Variants in PLA2G15 observed in about 807,000 individuals in gnomAD.
PLA2G15 encodes the protein phospholipase A2 group XV.
PLA2G15 carries 20 observed loss-of-function variants against 40.9 expected under a neutral mutation model. That is an observed-to-expected ratio of 0.49 (90% CI 0.34 to 0.71). The LOEUF (loss-of-function observed/expected upper bound fraction) is 0.71, where lower values mean the gene tolerates loss of function less well. Ranked by LOEUF, PLA2G15 falls within the 30% of genes least tolerant of loss-of-function variation. The pLI, the probability that PLA2G15 is intolerant of heterozygous loss-of-function variation, is 0.01. For missense variants in PLA2G15, 471 were observed against 541.9 expected, an observed-to-expected ratio of 0.87 and a Z score of 1.30; for synonymous variants, 223 against 228.2, an observed-to-expected ratio of 0.98 and a Z score of 0.21.
Position 68,249,275 on chromosome 16 carries a change from C to T in PLA2G15, c.128-15C>T. 6.2e-7 allele frequency: 1 copy of T among 1,613,394 alleles called. No individual in the cohort carries two copies. Among genetic ancestry groups the T allele is most frequent in the Middle Eastern group, 1.6e-4 (1 of 6,062 alleles). On this transcript the variant is annotated splice_polypyrimidine_tract_variant and intron_variant, in intron 1 of 5. Coordinates refer to ENST00000219345, the MANE Select transcript of PLA2G15 (RefSeq NM_012320.4). ...GCCGGGCTGAGGGCTCACACATGTC[C>T]TGTGCCCCCTGCAGTCCCTGGTGAT...
At position 68,259,511 on chromosome 16, in the gene PLA2G15, T is replaced by C. The variant is rs2042427859; in HGVS notation, c.1093T>C (p.Leu365=). Residue 365 remains leucine, a synonymous_variant, in exon 6 of 6, where the codon TTG becomes CTG. Transcript: ENST00000219345. This position sits in a 1 kb window ranked among gnomAD's most constrained non-coding sequence, Gnocchi z 6.5. ...TGGTGACGGCGATGGTACTGTGAAC[T>C]TGAAGAGTGCCCTGCAGTGCCAGGC... is the stretch of plus-strand genomic sequence containing the variant. ...CFGDGDGTVN[L]KSALQCQAWQ... is the part of the protein sequence containing the mutation. 1.2e-6 allele frequency: 2 copies of C among 1,613,160 alleles called. No homozygotes were observed. The highest frequency in any genetic ancestry group is 1.3e-5 in the African/African-American group (1 of 74,952).
At position 68,255,019 on chromosome 16, in the gene PLA2G15, C is replaced by T. The variant is rs1436000148; in HGVS notation, c.385C>T (p.Pro129Ser). The T allele has an allele frequency of 1.9e-6, 3 of 1,612,166 alleles. No individual in the cohort carries two copies. The highest frequency in any genetic ancestry group is 2.5e-6 in the Non-Finnish European group (3 of 1,178,468). The change falls in exon 3 of 6, where the codon CCC (proline) becomes TCC (serine). Residue 129 changes from proline to serine, a missense_variant. Transcript: ENST00000219345. The surrounding 1 kb of genome is among the most constrained non-coding windows in gnomAD (Gnocchi z 5.9). ...GACCTTCTCACTGGAGTTCCTGGAC[C>T]CCAGCAAAAGCAGCGTGGGTATGTA... ...GKTFSLEFLDPSKSSVGSYFH... is the reference protein window; with the variant it reads ...GKTFSLEFLDSSKSSVGSYFH...
intron 5 of PLA2G15, 182 bp from the exon 6 acceptor site, chr16:68,258,964 A>AC: frequency 1.7e-6 from 1 of 599,048 alleles, no homozygotes; most frequent in Non-Finnish European, 2.9e-6. Context: ...TGTCTCAAAA[A>AC]GAAAAAAAAA....
At chr16:68,252,117 A>C (rs1227972122) in intron 2 of PLA2G15, among the ~76,000 whole-genome samples, 1 of 152,060 alleles carries the variant, frequency 6.6e-6, no homozygotes, top group African/African-American at 2.4e-5. Flanking sequence ...ACCCGTTTAG[A>C]TTTTCACCCA....
At position 68,255,659 on chromosome 16, in the gene PLA2G15, G is replaced by T. The variant is rs1392267547; in HGVS notation, c.503-107G>T. 2 of 918,220 alleles carry T rather than the reference G, an allele frequency of 2.2e-6. No homozygotes were observed. The highest frequency in any genetic ancestry group is 3.5e-6 in the Non-Finnish European group (2 of 570,764). The allele number at this position is 918,220 out of a possible 1,614,324, so 56.9% of individuals were successfully genotyped here. ...GACCCAGACCGCTCTGTTTGAATGT[G>T]AGCACCCTCCCCTCCCCCTCTCGTC... On this transcript the variant is annotated intron_variant, in intron 4 of 5. Coordinates refer to ENST00000219345, the MANE Select transcript of PLA2G15 (RefSeq NM_012320.4). The surrounding 1 kb of genome is among the most constrained non-coding windows in gnomAD (Gnocchi z 5.9).
At chr16:68,250,199 AG>A in intron 2 of PLA2G15, 1 of 76,572 alleles carries the variant, frequency 1.3e-5, no homozygotes, top group Non-Finnish European at 2.4e-5. Context: ...TTTTTTTTGG[AG>A]ACGGAGTTTT....
rs1428913664 is a variant in PLA2G15, at chr16:68,255,673, C to T, written c.503-93C>T. On this transcript the variant is annotated intron_variant, in intron 4 of 5. Coordinates refer to ENST00000219345, the MANE Select transcript of PLA2G15 (RefSeq NM_012320.4). This position sits in a 1 kb window ranked among gnomAD's most constrained non-coding sequence, Gnocchi z 5.9. Reference sequence around the variant, plus strand: ...TGTTTGAATGTGAGCACCCTCCCCTCCCCCTCTCGTCTTGTGTCTGGCCTG... The same window carrying T: ...TGTTTGAATGTGAGCACCCTCCCCTTCCCCTCTCGTCTTGTGTCTGGCCTG... 7 of 1,034,262 alleles carry T rather than the reference C, an allele frequency of 6.8e-6. No individual in the cohort carries two copies. In the East Asian group the frequency reaches 1.2e-4, roughly 18 times the overall value. The allele number at this position is 1,034,262 out of a possible 1,614,324, so 64.1% of individuals were successfully genotyped here.
chr16:68,249,971 C>A (rs940966952), intron 2 of PLA2G15, among the ~76,000 whole-genome samples: 2 of 152,114 alleles, frequency 1.3e-5, no homozygotes, highest in African/African-American at 4.8e-5. Context: ...TGAGCCACTA[C>A]GCCTGCCTAC....
At chr16:68,256,518 A>G (rs551607392) in intron 5 of PLA2G15, 1 of 150,792 alleles carries the variant, frequency 6.6e-6, no homozygotes, top group African/African-American at 2.4e-5. Flanking sequence ...TTTTTTTTTT[A>G]ATTTTTATTT....
intron 5 of PLA2G15, among the ~76,000 whole-genome samples, chr16:68,258,502 CA>C (rs374239147): frequency 1.7e-4 from 25 of 150,720 alleles, no homozygotes; most frequent in African/African-American, 6.1e-4. Context: ...GTGAGGAAAG[CA>C]AAAAAAACAA....
At chr16:68,245,665 AT>A in intron 1 of PLA2G15, 112 bp downstream of exon 1, 1 of 1,239,414 alleles carries the variant, frequency 8.1e-7, no homozygotes, top group African/African-American at 1.5e-5. Context: ...GCGTATTGGT[AT>A]CTGTCTTGTC....
At chr16:68,248,683 T>G (rs1165794530) in intron 1 of PLA2G15, 1 of 995,816 alleles carries the variant, frequency 1.0e-6, no homozygotes, top group South Asian at 3.9e-5. Flanking sequence ...CCCTGCGCCC[T>G]GCCTCGAAGG....
rs759478385 is a variant in PLA2G15 at position 68,250,363 on chromosome 16, C to T, written c.284+917C>T. 2.6e-4 allele frequency: 72 copies of T among 282,018 alleles called. 1 individual carries two copies. The highest frequency in any genetic ancestry group is 7.7e-4 in the East Asian group (5 of 6,512). The allele number at this position is 282,018 out of a possible 1,614,324, so 17.5% of individuals were successfully genotyped here. Reference sequence around the variant, plus strand: ...TCGGCTCACTGCAAGCTCCGCCTCCCGGGTTCACGCCATTCTTCTGCCTCA... The same window carrying T: ...TCGGCTCACTGCAAGCTCCGCCTCCTGGGTTCACGCCATTCTTCTGCCTCA... On this transcript the variant is annotated intron_variant, in intron 2 of 5. Coordinates refer to ENST00000219345, the MANE Select transcript of PLA2G15 (RefSeq NM_012320.4).
intron 2 of PLA2G15, among the ~76,000 whole-genome samples, chr16:68,251,587 C>T (rs949548684): frequency 1.3e-5 from 2 of 152,106 alleles, no homozygotes; most frequent in Non-Finnish European, 2.9e-5. Flanking sequence ...GAGTCTGAGG[C>T]AGGAGAAACG....
chr16:68,253,524 G>A (rs1371345715), intron 2 of PLA2G15: 9 of 403,248 alleles, frequency 2.2e-5, no homozygotes, highest in Non-Finnish European at 4.0e-5. Flanking sequence ...ACAGGTACAC[G>A]TCACCATGCC....
chr16:68,245,650 G>A, intron 1 of PLA2G15, 97 bp downstream of exon 1: 1 of 1,331,432 alleles, frequency 7.5e-7, no homozygotes, highest in Non-Finnish European at 1.0e-6. Context: ...TCACGAAATG[G>A]GGGAGCGTAT....
chr16:68,260,724 CT>C lies in PLA2G15; in HGVS notation c.*1068del, dbSNP rs1473065788. ...GGACCCTGAGAGAGCCAGGGGTCCC[CT>C]GAGGCCCCCCTAGGGGCTTTCTGTC... On this transcript the variant is annotated 3_prime_UTR_variant, in exon 6 of 6. Coordinates refer to ENST00000219345, the MANE Select transcript of PLA2G15 (RefSeq NM_012320.4). 3 of 152,226 alleles carry C rather than the reference CT, an allele frequency of 2.0e-5. No individual in the cohort carries two copies. The highest frequency in any genetic ancestry group is 6.5e-5 in the Admixed American group (1 of 15,294). The allele number at this position is 152,226 out of a possible 1,614,324, so 9.4% of individuals were successfully genotyped here. A position where few individuals can be genotyped will look rare whatever the true frequency, so the allele number is the denominator to read the frequency against.
intron 5 of PLA2G15, 97 bp downstream of exon 5, chr16:68,256,087 C>G: frequency 1.3e-6 from 1 of 752,704 alleles, no homozygotes; most frequent in South Asian, 1.8e-5. Context: ...TGCCTCGTGT[C>G]TGTCCCACGG....
chr16:68,255,720 C>T lies in PLA2G15; in HGVS notation c.503-46C>T, dbSNP rs751488206. 4 of 1,521,760 alleles carry T rather than the reference C, an allele frequency of 2.6e-6. No individual in the cohort carries two copies. The South Asian group carries it at 4.5e-5, about 17-fold the overall frequency. 94.3% of individuals were successfully genotyped at this position (1,521,760 alleles called of 1,614,324 possible). The stretch of plus-strand genomic sequence containing the variant: ...CCTGAGAAAAGCTCAGTGGTTCCGG[C>T]TCCAGGACCCTTCCCACCTGACCCC... On this transcript the variant is annotated intron_variant, in intron 4 of 5. Transcript: ENST00000219345. The surrounding 1 kb of genome is among the most constrained non-coding windows in gnomAD (Gnocchi z 5.9).
Sources: allele counts gnomAD v4.1 joint callset (sites outside exome capture counted in the v4.1 genomes callset), GRCh38; gene constraint gnomAD v4.1.1; non-coding constraint Gnocchi (gnomAD v3.1); transcripts MANE v1.5; gene names NCBI Gene and HGNC (gene_info 2026-07-23, HGNC 2026-07-21).